Variants in CNTNAP2 observed in about 807,000 individuals in gnomAD.
CNTNAP2 encodes the protein contactin-associated protein-like 2.
In CNTNAP2, 98 loss-of-function variants were observed where a neutral mutation model predicts 155.2. The ratio of observed to expected loss-of-function variants is 0.63; its 90% CI spans 0.54 to 0.75. The LOEUF (loss-of-function observed/expected upper bound fraction) is 0.75, where lower values mean the gene tolerates loss of function less well. Ranked by LOEUF, CNTNAP2 falls within the 30% of genes least tolerant of loss-of-function variation. The probability of loss-of-function intolerance (pLI) is 0.00; values close to 1 mark genes in which losing one functional copy is unlikely to be tolerated. For missense variants in CNTNAP2, 1,727 were observed against 1,688.1 expected, an observed-to-expected ratio of 1.02 and a Z score of -0.40; for synonymous variants, 651 against 631.2, an observed-to-expected ratio of 1.03 and a Z score of -0.47.
chr7:147,463,650 T>C (rs1391541674), intron 10 of CNTNAP2, among the ~76,000 whole-genome samples: 1 of 152,172 alleles, frequency 6.6e-6, no homozygotes, highest in African/African-American at 2.4e-5. Context: ...ATCTCTTTTC[T>C]TCACTTTTTG....
At chr7:146,592,269 G>T (rs561046403) in intron 1 of CNTNAP2, among the ~76,000 whole-genome samples, 19 of 152,192 alleles carry the variant, frequency 1.2e-4, no homozygotes, top group Non-Finnish European at 2.2e-4. Flanking sequence ...ATATCTATGA[G>T]AAAAGAGTCT....
At chr7:146,801,253 A>G (rs914741595) in intron 2 of CNTNAP2, among the ~76,000 whole-genome samples, 4 of 152,132 alleles carry the variant, frequency 2.6e-5, no homozygotes, top group African/African-American at 9.7e-5. Flanking sequence ...GAACTCACTC[A>G]GTACCAAGAG....
chr7:146,587,757 C>A (rs1798716551), intron 1 of CNTNAP2, among the ~76,000 whole-genome samples: 1 of 152,002 alleles, frequency 6.6e-6, no homozygotes, highest in Non-Finnish European at 1.5e-5. Flanking sequence ...ACTGCAACCT[C>A]CACCTCCCAT....
chr7:146,143,544 A>C (rs1360693781), intron 1 of CNTNAP2, among the ~76,000 whole-genome samples: 1 of 152,112 alleles, frequency 6.6e-6, no homozygotes, highest in Non-Finnish European at 1.5e-5. Flanking sequence ...CCAGAAGTAT[A>C]AAATGTTGAA....
intron 1 of CNTNAP2, among the ~76,000 whole-genome samples, chr7:146,718,843 T>A (rs763772514): frequency 1.3e-5 from 2 of 152,132 alleles, no homozygotes; most frequent in Admixed American, 1.3e-4. Flanking sequence ...TTGACAGTTT[T>A]TTATTTGAGA....
intron 13 of CNTNAP2, among the ~76,000 whole-genome samples, chr7:147,698,443 A>C (rs1268184355): frequency 1.3e-5 from 2 of 152,246 alleles, no homozygotes; most frequent in Non-Finnish European, 2.9e-5. Context: ...GATTTGTTTT[A>C]AAATAATGTC....
At chr7:146,809,383 A>G (rs1803024707) in intron 2 of CNTNAP2, among the ~76,000 whole-genome samples, 2 of 151,264 alleles carry the variant, frequency 1.3e-5, no homozygotes, top group Non-Finnish European at 1.5e-5. Flanking sequence ...TGTTTTTGAG[A>G]TGGAGCCTCA....
At chr7:146,427,431 TA>T (rs1796109549) in intron 1 of CNTNAP2, among the ~76,000 whole-genome samples, 1 of 152,230 alleles carries the variant, frequency 6.6e-6, no homozygotes, top group Non-Finnish European at 1.5e-5. Flanking sequence ...TTATGAATGC[TA>T]AAATTTGAAT....
At chr7:146,849,983 A>G (rs1382830320) in intron 3 of CNTNAP2, among the ~76,000 whole-genome samples, 2 of 152,196 alleles carry the variant, frequency 1.3e-5, no homozygotes, top group Non-Finnish European at 2.9e-5. Flanking sequence ...TATGTGTTTC[A>G]CTTATGCATA....
chr7:147,348,265 G>A (rs1248505391), intron 9 of CNTNAP2, among the ~76,000 whole-genome samples: 1 of 151,532 alleles, frequency 6.6e-6, no homozygotes, highest in Non-Finnish European at 1.5e-5. Flanking sequence ...CTCATTAGAA[G>A]ATTAATATCC....
At chr7:147,086,907 G>A (rs1800290972) in intron 4 of CNTNAP2, among the ~76,000 whole-genome samples, 2 of 152,154 alleles carry the variant, frequency 1.3e-5, no homozygotes. Flanking sequence ...GAGCTTCAAC[G>A]AATTCAAGTT....
intron 3 of CNTNAP2, among the ~76,000 whole-genome samples, chr7:146,922,952 C>A (rs150060155): frequency 6.6e-6 from 1 of 151,956 alleles, no homozygotes; most frequent in Non-Finnish European, 1.5e-5. Context: ...GAGTAAAGAC[C>A]ACAGGAATGC....
chr7:146,385,022 A>G (rs913685878), intron 1 of CNTNAP2, among the ~76,000 whole-genome samples: 2 of 152,176 alleles, frequency 1.3e-5, no homozygotes, highest in Non-Finnish European at 2.9e-5. Flanking sequence ...CCTTATTTGT[A>G]TAGTCACTAG....
chr7:148,018,361 A>G (rs1431273381), intron 15 of CNTNAP2, among the ~76,000 whole-genome samples: 2 of 152,192 alleles, frequency 1.3e-5, no homozygotes, highest in Non-Finnish European at 2.9e-5. Flanking sequence ...TGGTTGTAAG[A>G]TCGAATCTGG....
At chr7:147,806,140 A>G (rs1021561728) in intron 13 of CNTNAP2, among the ~76,000 whole-genome samples, 10 of 152,188 alleles carry the variant, frequency 6.6e-5, no homozygotes, top group African/African-American at 2.4e-4. Flanking sequence ...AAAGAACACA[A>G]CTCAATAGCA....
chr7:146,130,365 G>C (rs553195950), intron 1 of CNTNAP2, among the ~76,000 whole-genome samples: 6 of 152,164 alleles, frequency 3.9e-5, no homozygotes, highest in Non-Finnish European at 7.3e-5. Flanking sequence ...AGCTACTGGA[G>C]AGGCTGAGGT....
chr7:148,018,557 T>C (rs1162033655), intron 15 of CNTNAP2, among the ~76,000 whole-genome samples: 1 of 152,146 alleles, frequency 6.6e-6, no homozygotes, highest in Non-Finnish European at 1.5e-5. Context: ...AAGGCATGAA[T>C]GTTGGAGGGA....
intron 11 of CNTNAP2, among the ~76,000 whole-genome samples, chr7:147,498,497 T>G (rs1798751893): frequency 6.6e-6 from 1 of 152,214 alleles, no homozygotes; most frequent in African/African-American, 2.4e-5. Context: ...CTAAACTAGG[T>G]TTTTGAGCTA....
chr7:147,576,370 A>G (rs1800396653), intron 12 of CNTNAP2, among the ~76,000 whole-genome samples: 1 of 152,148 alleles, frequency 6.6e-6, no homozygotes, highest in Admixed American at 6.6e-5. Flanking sequence ...TATTAGCAAT[A>G]TGCTAAAAAA....
Sources: allele counts gnomAD v4.1 joint callset (sites outside exome capture counted in the v4.1 genomes callset), GRCh38; gene constraint gnomAD v4.1.1; transcripts MANE v1.5; gene names NCBI Gene and HGNC (gene_info 2026-07-23, HGNC 2026-07-21).